Variants in FARP1 observed in about 807,000 individuals in gnomAD.
FARP1 encodes the protein FERM, ARHGEF and pleckstrin domain-containing protein 1.
Under a neutral mutation model 128.8 loss-of-function variants are expected in FARP1, and 52 were observed. The ratio of observed to expected loss-of-function variants is 0.40; its 90% confidence interval spans 0.32 to 0.51. The LOEUF (loss-of-function observed/expected upper bound fraction) is 0.51. Among genes scored for constraint, FARP1 ranks in the 20% least tolerant of loss-of-function variants. The probability of loss-of-function intolerance (pLI) is 0.45; values close to 1 mark genes in which losing one functional copy is unlikely to be tolerated. For synonymous variants in FARP1, 580 were observed against 551.8 expected (o/e 1.05, Z -0.72); for missense variants, 1,333 against 1,367.9 (o/e 0.97, Z 0.40).
chr13:98,153,181 A>T (rs1876139186), intron 1 of FARP1, among the ~76,000 whole-genome samples: 1 of 150,536 alleles, frequency 6.6e-6, no homozygotes, highest in Non-Finnish European at 1.5e-5. Context: ...CTGTTTGGAA[A>T]TATCAGGATA....
intron 1 of FARP1, among the ~76,000 whole-genome samples, chr13:98,164,263 G>A (rs770744604): frequency 2.0e-5 from 3 of 152,172 alleles, no homozygotes; most frequent in Non-Finnish European, 4.4e-5. Context: ...TTTTGGGGGC[G>A]TGGCGTTTGT....
chr13:98,217,010 T>G (rs1387345685), intron 2 of FARP1, among the ~76,000 whole-genome samples: 1 of 152,200 alleles, frequency 6.6e-6, no homozygotes, highest in Non-Finnish European at 1.5e-5. Context: ...AAAGGGTTAA[T>G]AAGGTGCCCC....
intron 4 of FARP1, 134 bp from the exon 5 acceptor site, chr13:98,367,983 A>T (rs1339247844): frequency 2.1e-5 from 14 of 657,438 alleles, no homozygotes; most frequent in Non-Finnish European, 2.9e-5. Flanking sequence ...TTGTTAAGTG[A>T]CTTGGAAAAT....
At position 98,395,406 on chromosome 13, in the gene FARP1, G is replaced by A. The variant is rs544441779; in HGVS notation, c.1344G>A (p.Thr448=). ...KQADGAASAP[T]EEEEEVVKDR... Reference sequence around the variant, plus strand: ...CGGACGGAGCCGCCTCGGCGCCCACGGAGGAAGAGGAGGAGGTCGTTAAGG... The same window carrying A: ...CGGACGGAGCCGCCTCGGCGCCCACAGAGGAAGAGGAGGAGGTCGTTAAGG... Residue 448 remains threonine, a synonymous_variant, in exon 13 of 27, where the codon ACG becomes ACA. Transcript: ENST00000319562. The A allele has an allele frequency of 4.6e-5, 74 of 1,611,292 alleles. No homozygotes were observed. The highest frequency in any genetic ancestry group is 1.7e-4 in the Middle Eastern group (1 of 5,988).
intron 2 of FARP1, among the ~76,000 whole-genome samples, chr13:98,238,633 A>G (rs1311715378): frequency 1.3e-5 from 2 of 152,140 alleles, no homozygotes; most frequent in African/African-American, 2.4e-5. Flanking sequence ...TTATAAAACT[A>G]TCTGATCTCC....
At chr13:98,282,816 G>T (rs567439523) in intron 2 of FARP1, among the ~76,000 whole-genome samples, 1 of 152,020 alleles carries the variant, frequency 6.6e-6, no homozygotes, top group South Asian at 2.1e-4. Context: ...CAGGAGAATC[G>T]CTTGAACCCA....
At chr13:98,310,124 G>C (rs563799368) in intron 2 of FARP1, among the ~76,000 whole-genome samples, 1 of 147,574 alleles carries the variant, frequency 6.8e-6, no homozygotes, top group South Asian at 2.1e-4. Flanking sequence ...AGATAATCTC[G>C]ATGGCCTTCA....
At chr13:98,257,800 C>G (rs1883681564) in intron 2 of FARP1, among the ~76,000 whole-genome samples, 1 of 152,104 alleles carries the variant, frequency 6.6e-6, no homozygotes, top group Non-Finnish European at 1.5e-5. Context: ...GTAGGACCCT[C>G]ATTGATGTGT....
At chr13:98,321,429 A>G (rs619846) in intron 2 of FARP1, among the ~76,000 whole-genome samples, 45,746 of 152,148 alleles carry the variant, frequency 0.3, 7,290 homozygotes, top group Middle Eastern at 0.44. Flanking sequence ...AAAAGGTTCT[A>G]AGAATTGAAA....
chr13:98,180,971 A>G (rs1318979493), intron 1 of FARP1, among the ~76,000 whole-genome samples: 1 of 152,034 alleles, frequency 6.6e-6, no homozygotes, highest in African/African-American at 2.4e-5. Flanking sequence ...TTCCTCATTT[A>G]TATACCTTTC....
chr13:98,301,702 C>T (rs1885932710), intron 2 of FARP1, among the ~76,000 whole-genome samples: 1 of 152,092 alleles, frequency 6.6e-6, no homozygotes, highest in African/African-American at 2.4e-5. Context: ...GGGGGGAAAT[C>T]AAGTCCCCAA....
intron 2 of FARP1, among the ~76,000 whole-genome samples, chr13:98,262,994 C>CATT (rs532793122): frequency 0.02 from 3,009 of 151,538 alleles, 104 homozygotes; most frequent in African/African-American, 0.063. Flanking sequence ...TCATCTTAAA[C>CATT]ATTATTATTA....
In FARP1 at chr13:98,254,654, A is replaced by G. The variant is rs1883500049; in HGVS notation, c.171+41241A>G. 2.6e-5 allele frequency among the ~76,000 whole-genome samples: 4 copies of G among 152,192 alleles called. No individual in the cohort carries two copies. In the South Asian group the frequency reaches 8.3e-4, roughly 32 times the overall value. On this transcript the variant is annotated intron_variant, in intron 2 of 26. Transcript: ENST00000319562. ...CCTGGCCAGCTGTTTACACATTCAGATTCAGCCTCAGCAGAAATAGCCTAG... is the reference window on the plus strand; with the variant it reads ...CCTGGCCAGCTGTTTACACATTCAGGTTCAGCCTCAGCAGAAATAGCCTAG...
At chr13:98,411,874 G>T in intron 15 of FARP1, 27 bp from the exon 16 acceptor site, 1 of 1,609,958 alleles carries the variant, frequency 6.2e-7, no homozygotes, top group Non-Finnish European at 8.5e-7. Context: ...CTTTCCACCC[G>T]TAAGTGCATC....
intron 1 of FARP1, among the ~76,000 whole-genome samples, chr13:98,183,678 A>G (rs1417178807): frequency 6.6e-6 from 1 of 152,170 alleles, no homozygotes; most frequent in Non-Finnish European, 1.5e-5. Flanking sequence ...GTGGTCGCTC[A>G]TCTTTGAATG....
intron 8 of FARP1, 26 bp downstream of exon 8, chr13:98,385,840 G>T (rs1396705700): frequency 1.9e-6 from 3 of 1,610,848 alleles, no homozygotes; most frequent in South Asian, 1.1e-5. Context: ...ACACGGCCTG[G>T]TTCCCTTGGT....
intron 1 of FARP1, among the ~76,000 whole-genome samples, chr13:98,203,550 G>C: frequency 6.6e-6 from 1 of 152,176 alleles, no homozygotes; most frequent in South Asian, 2.1e-4. Flanking sequence ...TGTTTGCGAG[G>C]TCCATCTATG....
At chr13:98,181,786 G>C (rs778051249) in intron 1 of FARP1, among the ~76,000 whole-genome samples, 110 of 152,088 alleles carry the variant, frequency 7.2e-4, no homozygotes, top group Middle Eastern at 3.4e-3. Context: ...GAGCCACTGT[G>C]CCTGGCCAAT....
chr13:98,279,037 G>A (rs7323154), intron 2 of FARP1, among the ~76,000 whole-genome samples: 11,448 of 147,550 alleles, frequency 0.078, 933 homozygotes, highest in African/African-American at 0.21. Flanking sequence ...GGGTTTCACT[G>A]TGTTGGCCAG....
Sources: gnomAD v4.1 joint callset for allele counts (sites outside exome capture counted in the v4.1 genomes callset) on GRCh38, gnomAD v4.1.1 for gene constraint, MANE v1.5 for transcripts, NCBI Gene and HGNC (gene_info 2026-07-23, HGNC 2026-07-21) for gene names.